The following HYCC1 variants were observed in gnomAD, a reference collection of about 807,000 sequenced individuals.
HYCC1 encodes the protein hyccin PI4KA lipid kinase complex subunit 1, also known as hyccin.
At chr7:22,908,144 TAAG>T in the HYCC1 span, among the ~76,000 whole-genome samples, 1 of 152,186 alleles carries the variant, frequency 6.6e-6, no homozygotes, top group Non-Finnish European at 1.5e-5. Flanking sequence ...GACTAAAACA[TAAG>T]AAGAGCTTAA....
chr7:22,944,153 G>A, the HYCC1 span: 1 of 152,166 alleles, frequency 6.6e-6, no homozygotes, highest in Non-Finnish European at 1.5e-5. Context: ...AAACCGCTGT[G>A]CAGTCACAGT....
the HYCC1 span, chr7:22,945,348 A>G: frequency 0.28 from 156,806 of 552,972 alleles, 23,870 homozygotes; most frequent in Non-Finnish European, 0.32. Context: ...ATAACAAATA[A>G]GAGGAGGGAA....
chr7:22,897,113 A>C, the HYCC1 span, among the ~76,000 whole-genome samples: 1 of 152,198 alleles, frequency 6.6e-6, no homozygotes, highest in Non-Finnish European at 1.5e-5. Context: ...AAATAAGGTA[A>C]GAGAGTGAGT....
the HYCC1 span, among the ~76,000 whole-genome samples, chr7:22,958,636 G>A: frequency 6.6e-6 from 1 of 152,148 alleles, no homozygotes; most frequent in Non-Finnish European, 1.5e-5. Flanking sequence ...CTCTTGTTTT[G>A]TAATTTTTTT....
the HYCC1 span, among the ~76,000 whole-genome samples, chr7:22,920,940 TC>T: frequency 6.6e-6 from 1 of 152,060 alleles, no homozygotes; most frequent in Admixed American, 6.6e-5. Context: ...CATATGCACC[TC>T]CCCACCCTCT....
At chr7:22,936,369 T>C in the HYCC1 span, 1 of 152,228 alleles carries the variant, frequency 6.6e-6, no homozygotes, top group African/African-American at 2.4e-5. Flanking sequence ...GAGGCCTGTA[T>C]TGTTGAAGTT....
the HYCC1 span, among the ~76,000 whole-genome samples, chr7:22,996,716 C>T: frequency 6.6e-6 from 1 of 150,644 alleles, no homozygotes; most frequent in Non-Finnish European, 1.5e-5. Context: ...AAACTGGCCA[C>T]AAAATGATTT....
chr7:22,908,365 C>G, the HYCC1 span, among the ~76,000 whole-genome samples: 2 of 152,186 alleles, frequency 1.3e-5, no homozygotes, highest in African/African-American at 4.8e-5. Context: ...TCTTGTATGG[C>G]ACTGTTGTGA....
the HYCC1 span, chr7:22,976,870 G>T: frequency 4.4e-6 from 4 of 914,086 alleles, no homozygotes; most frequent in Non-Finnish European, 5.4e-6. Flanking sequence ...GTGATATATA[G>T]AATATATATA....
the HYCC1 span, among the ~76,000 whole-genome samples, chr7:22,952,728 G>A: frequency 2.0e-5 from 3 of 151,900 alleles, no homozygotes; most frequent in Admixed American, 2.0e-4. Flanking sequence ...TGTGTCCCAA[G>A]TCATAAAGAA....
At chr7:22,947,499 C>T in the HYCC1 span, among the ~76,000 whole-genome samples, 1 of 152,040 alleles carries the variant, frequency 6.6e-6, no homozygotes, top group African/African-American at 2.4e-5. Flanking sequence ...TTTTTTCACA[C>T]ACACATTTCA....
At chr7:22,995,725 G>A in the HYCC1 span, among the ~76,000 whole-genome samples, 419 of 152,286 alleles carry the variant, frequency 2.8e-3, 2 homozygotes, top group African/African-American at 9.5e-3. Flanking sequence ...AGTAACAGAT[G>A]TAGACACTAT....
At chr7:22,948,275 C>T in the HYCC1 span, among the ~76,000 whole-genome samples, 1 of 152,062 alleles carries the variant, frequency 6.6e-6, no homozygotes, top group Non-Finnish European at 1.5e-5. Context: ...ACATCACCTA[C>T]TATTTTCAAA....
chr7:22,964,834 C>T, the HYCC1 span, among the ~76,000 whole-genome samples: 657 of 152,190 alleles, frequency 4.3e-3, 8 homozygotes, highest in Admixed American at 0.034. Context: ...GCTAAACCTA[C>T]TACATGAAAC....
At chr7:22,996,210 T>C in the HYCC1 span, among the ~76,000 whole-genome samples, 1 of 151,462 alleles carries the variant, frequency 6.6e-6, no homozygotes, top group Non-Finnish European at 1.5e-5. Context: ...GAAGAATCAC[T>C]TGAACCCGGG....
chr7:22,947,010 C>A, the HYCC1 span: 2 of 1,549,738 alleles, frequency 1.3e-6, no homozygotes, highest in Non-Finnish European at 1.7e-6. Flanking sequence ...TGAGTTTATT[C>A]CATCCTCCAT....
the HYCC1 span, among the ~76,000 whole-genome samples, chr7:22,923,596 A>G: frequency 2.0e-5 from 3 of 152,096 alleles, no homozygotes; most frequent in Non-Finnish European, 4.4e-5. Flanking sequence ...GAGAGAAAAT[A>G]AACAAAAAAG....
the HYCC1 span, chr7:22,961,332 T>C: frequency 2.1e-6 from 3 of 1,400,782 alleles, no homozygotes; most frequent in South Asian, 3.6e-5. Context: ...ACTATAAAAT[T>C]AGATGAATTA....
the HYCC1 span, chr7:22,978,171 A>C: frequency 3.4e-6 from 4 of 1,165,684 alleles, no homozygotes; most frequent in Non-Finnish European, 5.0e-6. Flanking sequence ...TGGTGTATGA[A>C]AAAACAAACA....
Sources: gnomAD v4.1 joint callset for allele counts (sites outside exome capture counted in the v4.1 genomes callset) on GRCh38, gnomAD v4.1.1 for gene constraint, MANE v1.5 for transcripts, NCBI Gene and HGNC (gene_info 2026-07-23, HGNC 2026-07-21) for gene names.